PLXDC2: variants seen among roughly 807,000 people sequenced by gnomAD.
The protein encoded by PLXDC2 is plexin domain containing 2, also known as plexin domain-containing protein 2.
A neutral mutation model predicts 68.9 loss-of-function variants in PLXDC2; 40 were observed. That is an observed-to-expected ratio of 0.58 (90% confidence interval 0.45 to 0.76). PLXDC2 has a LOEUF of 0.76. PLXDC2 is among the 30% of genes least tolerant of loss of function. The pLI is 0.00. For missense variants in PLXDC2, 644 were observed against 661.9 expected (o/e 0.97, Z 0.30); for synonymous variants, 243 against 234.2 (o/e 1.04, Z -0.34).
chr10:19,884,072 T>C (rs1837794280), intron 1 of PLXDC2, among the ~76,000 whole-genome samples: 1 of 150,318 alleles, frequency 6.7e-6, no homozygotes, highest in Admixed American at 6.6e-5. Flanking sequence ...TTGTATTTTT[T>C]TTTTTGTAGA....
intron 2 of PLXDC2, among the ~76,000 whole-genome samples, chr10:20,036,884 G>A (rs573470434): frequency 2.0e-5 from 3 of 152,146 alleles, no homozygotes; most frequent in Admixed American, 1.3e-4. Flanking sequence ...TTATCAACAA[G>A]GATGATTATG....
chr10:20,048,666 T>C (rs994647950), intron 3 of PLXDC2, among the ~76,000 whole-genome samples: 4 of 152,122 alleles, frequency 2.6e-5, no homozygotes, highest in African/African-American at 9.6e-5. Flanking sequence ...GTGACATCTA[T>C]AGGCAGAGAA....
intron 7 of PLXDC2, among the ~76,000 whole-genome samples, chr10:20,175,240 C>T (rs1184234243): frequency 1.3e-5 from 2 of 152,062 alleles, no homozygotes; most frequent in African/African-American, 4.8e-5. Flanking sequence ...TTTTAATCCT[C>T]AAAGCAATGC....
intron 4 of PLXDC2, among the ~76,000 whole-genome samples, chr10:20,120,503 G>C (rs2131759653): frequency 6.6e-6 from 1 of 152,324 alleles, no homozygotes; most frequent in Non-Finnish European, 1.5e-5. Flanking sequence ...TCTGTTATCA[G>C]ACTGTATAGA....
chr10:20,155,461 G>A (rs1834204969), intron 6 of PLXDC2, among the ~76,000 whole-genome samples: 1 of 151,990 alleles, frequency 6.6e-6, no homozygotes, highest in African/African-American at 2.4e-5. Context: ...TGTGTGAGCA[G>A]AAAAGAATAA....
At position 20,045,199 on chromosome 10, in the gene PLXDC2, T is replaced by C. The variant is rs538799067; in HGVS notation, c.325-1670T>C. Among the ~76,000 whole-genome samples the C allele has an allele frequency of 5.3e-5, 8 of 152,330 alleles. No homozygotes were observed. In the East Asian group the frequency reaches 1.5e-3, roughly 29 times the overall value. On this transcript the variant is annotated intron_variant, in intron 2 of 13. Coordinates refer to ENST00000377252, the MANE Select transcript of PLXDC2 (RefSeq NM_032812.9). ...CTAGGGTTTTTTGTTTGTTTTGTTTTGTTTTTCTGTCTCCCAGGCTGGAGT... is the reference window on the plus strand; with the variant it reads ...CTAGGGTTTTTTGTTTGTTTTGTTTCGTTTTTCTGTCTCCCAGGCTGGAGT...
chr10:19,873,935 GT>G (rs988917829), intron 1 of PLXDC2, among the ~76,000 whole-genome samples: 1 of 151,950 alleles, frequency 6.6e-6, no homozygotes, highest in Non-Finnish European at 1.5e-5. Context: ...GATTTGTGAG[GT>G]TTTTTTCTTT....
At chr10:20,027,900 A>T (rs1156848406) in intron 2 of PLXDC2, among the ~76,000 whole-genome samples, 2 of 151,932 alleles carry the variant, frequency 1.3e-5, no homozygotes, top group Admixed American at 6.6e-5. Context: ...ACACAGGTAG[A>T]ACTTTAGGAG....
chr10:19,986,546 A>AAAG (rs1554851094), intron 1 of PLXDC2, among the ~76,000 whole-genome samples: 1 of 123,650 alleles, frequency 8.1e-6, no homozygotes, highest in African/African-American at 2.6e-5. Flanking sequence ...TTAAAAAAAA[A>AAAG]ACAAAGAAAA....
At chr10:19,912,673 C>T (rs1203263922) in intron 1 of PLXDC2, among the ~76,000 whole-genome samples, 4 of 151,992 alleles carry the variant, frequency 2.6e-5, no homozygotes, top group Non-Finnish European at 4.4e-5. Context: ...TAATAATTAA[C>T]ATTAGGAATA....
At chr10:20,013,179 C>T (rs950666846) in intron 2 of PLXDC2, among the ~76,000 whole-genome samples, 5 of 152,134 alleles carry the variant, frequency 3.3e-5, no homozygotes. Flanking sequence ...TATCTATCTA[C>T]CTACATACCT....
At chr10:19,907,652 C>T (rs1833189626) in intron 1 of PLXDC2, among the ~76,000 whole-genome samples, 1 of 152,210 alleles carries the variant, frequency 6.6e-6, no homozygotes, top group Non-Finnish European at 1.5e-5. Context: ...GCAACATTGA[C>T]ATTTTTAGTA....
chr10:20,001,580 G>C (rs12767775), intron 1 of PLXDC2, among the ~76,000 whole-genome samples, 195 bp from the exon 2 acceptor site: 35,183 of 152,082 alleles, frequency 0.23, 4,851 homozygotes, highest in Non-Finnish European at 0.33. Flanking sequence ...ACAACTCCTG[G>C]TGTTTCCTGC....
intron 1 of PLXDC2, among the ~76,000 whole-genome samples, chr10:19,987,572 C>A (rs200602810): frequency 7.0e-6 from 1 of 142,796 alleles, no homozygotes; most frequent in African/African-American, 2.6e-5. Flanking sequence ...GTTTTTTTTT[C>A]TTTTTTTGCG....
chr10:19,882,865 T>A (rs1837754165), intron 1 of PLXDC2, among the ~76,000 whole-genome samples: 1 of 152,082 alleles, frequency 6.6e-6, no homozygotes, highest in South Asian at 2.1e-4. Flanking sequence ...AGTGGTTGCT[T>A]GTGCTTGAGT....
intron 7 of PLXDC2, among the ~76,000 whole-genome samples, chr10:20,168,080 T>C (rs1336757807): frequency 1.3e-5 from 2 of 152,122 alleles, no homozygotes; most frequent in African/African-American, 2.4e-5. Context: ...GCATTGTTAG[T>C]AAATTGATAA....
chr10:20,102,041 A>G (rs1167852469), intron 4 of PLXDC2, among the ~76,000 whole-genome samples: 7 of 151,794 alleles, frequency 4.6e-5, no homozygotes, highest in Non-Finnish European at 1.0e-4. Flanking sequence ...ACCTCATTTG[A>G]TCCTCCCGCC....
intron 6 of PLXDC2, among the ~76,000 whole-genome samples, chr10:20,163,228 C>G (rs760307872): frequency 1.6e-4 from 25 of 152,060 alleles, no homozygotes; most frequent in Middle Eastern, 3.2e-3. Context: ...TAAGAGAGAC[C>G]TGAAATAATA....
At chr10:19,994,759 G>C (rs71491170) in intron 1 of PLXDC2, among the ~76,000 whole-genome samples, 1 of 150,770 alleles carries the variant, frequency 6.6e-6, no homozygotes, top group Non-Finnish European at 1.5e-5. Flanking sequence ...TTTTTTGTGT[G>C]TGTGACAGAG....
Sources: gnomAD v4.1 joint callset for allele counts (sites outside exome capture counted in the v4.1 genomes callset) on GRCh38, gnomAD v4.1.1 for gene constraint, MANE v1.5 for transcripts, NCBI Gene and HGNC (gene_info 2026-07-23, HGNC 2026-07-21) for gene names.